The following PCLO variants were observed in gnomAD, a reference collection of about 807,000 sequenced individuals.
PCLO encodes the protein piccolo presynaptic cytomatrix protein.
Under a neutral mutation model 427.5 loss-of-function variants are expected in PCLO, and 82 were observed. The observed-to-expected ratio is 0.19, with a 90% CI of 0.16 to 0.23. The LOEUF (loss-of-function observed/expected upper bound fraction) is 0.23, where lower values mean the gene tolerates loss of function less well. Among genes scored for constraint, PCLO ranks in the 10% least tolerant of loss-of-function variants. The pLI is 1.00. For missense variants in PCLO, 6,239 were observed against 6,115.9 expected, an observed-to-expected ratio of 1.02 and a Z score of -0.67; for synonymous variants, 2,357 against 2,155.4, an observed-to-expected ratio of 1.09 and a Z score of -2.59.
At chr7:83,115,541 G>A (rs144035713) in intron 3 of PCLO, among the ~76,000 whole-genome samples, 266 of 151,996 alleles carry the variant, frequency 1.8e-3, no homozygotes, top group African/African-American at 5.4e-3. Context: ...TGCTTTAAAC[G>A]AACATCTCTT....
Position 82,954,723 on chromosome 7 carries a change from G to A in PCLO, c.6230C>T (p.Thr2077Ile), listed in dbSNP as rs750572926. 7 of 1,613,870 alleles carry A rather than the reference G, an allele frequency of 4.3e-6. No homozygotes were observed. The highest frequency in any genetic ancestry group is 3.3e-4 in the Middle Eastern group (2 of 6,058). The change falls in exon 5 of 25, where the codon ACA (threonine) becomes ATA (isoleucine). Residue 2077 changes from threonine to isoleucine, a missense_variant. By Grantham distance (89) the Thr-to-Ile change is moderately conservative (BLOSUM62 -1). Coordinates refer to ENST00000333891, the MANE Select transcript of PCLO (RefSeq NM_033026.6). ...GGCCTGGGTTGGGCTAGATCCAGGTGTTAATTGCATCTGTTGCCTCTTCAT... is the reference window on the plus strand; with the variant it reads ...GGCCTGGGTTGGGCTAGATCCAGGTATTAATTGCATCTGTTGCCTCTTCAT... ...ELMKRQQMQLTPGSSPTQAPI... is the reference protein window; with the variant it reads ...ELMKRQQMQLIPGSSPTQAPI...
In PCLO at chr7:82,768,225, C is replaced by G. The variant is rs773198455; in HGVS notation, c.15008-6732G>C. 7.2e-5 allele frequency among the ~76,000 whole-genome samples: 11 copies of G among 152,174 alleles called. No individual in the cohort carries two copies. In the Middle Eastern group the frequency reaches 0.01, roughly 141 times the overall value. On this transcript the variant is annotated intron_variant, in intron 22 of 24. Transcript: ENST00000333891. ...ATCATTTGAGGACAGGAGTTCGAGA[C>G]CAGCCTGGCCAACATGGCAAAAACC...
intron 8 of PCLO, among the ~76,000 whole-genome samples, chr7:82,906,430 C>T (rs1284712405): frequency 6.6e-6 from 1 of 151,918 alleles, no homozygotes; most frequent in African/African-American, 2.4e-5. Context: ...TTTTGTAATT[C>T]TCCAAGCCAA....
At chr7:82,778,801 T>C (rs1001575923) in intron 22 of PCLO, among the ~76,000 whole-genome samples, 8 of 152,090 alleles carry the variant, frequency 5.3e-5, no homozygotes, top group Non-Finnish European at 8.8e-5. Context: ...GATTTTTTCC[T>C]GGCCATCTGC....
At chr7:82,823,708 CTT>C (rs1489337920) in intron 19 of PCLO, among the ~76,000 whole-genome samples, 2 of 152,068 alleles carry the variant, frequency 1.3e-5, no homozygotes, top group African/African-American at 2.4e-5. Flanking sequence ...TTAGGAAAGA[CTT>C]AAGTAAATTT....
chr7:83,098,970 G>A (rs895678687), intron 3 of PCLO, among the ~76,000 whole-genome samples: 8 of 151,976 alleles, frequency 5.3e-5, no homozygotes, highest in African/African-American at 1.9e-4. Context: ...AACAGCAAGA[G>A]GAGTGTGAAC....
chr7:82,994,617 G>GTA (rs71522636), intron 3 of PCLO, among the ~76,000 whole-genome samples: 79 of 149,974 alleles, frequency 5.3e-4, no homozygotes, highest in South Asian at 1.0e-3. Context: ...TTCATAGTAG[G>GTA]TATATATATA....
chr7:83,005,455 T>C (rs933196650), intron 3 of PCLO, among the ~76,000 whole-genome samples: 5 of 151,470 alleles, frequency 3.3e-5, no homozygotes, highest in Admixed American at 6.6e-5. Flanking sequence ...GGGTAAAACG[T>C]TTTAGTTATG....
intron 6 of PCLO, among the ~76,000 whole-genome samples, chr7:82,919,599 G>A (rs1042656916): frequency 3.3e-5 from 5 of 151,836 alleles, no homozygotes; most frequent in Non-Finnish European, 7.4e-5. Context: ...AAGAAGATTG[G>A]ATGCCCACTG....
intron 2 of PCLO, among the ~76,000 whole-genome samples, chr7:83,145,585 T>C (rs1791974000): frequency 6.6e-6 from 1 of 152,146 alleles, no homozygotes; most frequent in South Asian, 2.1e-4. Flanking sequence ...CAAAAGTCAT[T>C]TAAATTCTTA....
intron 3 of PCLO, among the ~76,000 whole-genome samples, chr7:82,973,307 T>C (rs540495357): frequency 6.6e-6 from 1 of 152,318 alleles, no homozygotes; most frequent in East Asian, 1.9e-4. Flanking sequence ...GCTTCATTCA[T>C]ATTTTGTTTC....
At chr7:82,899,613 A>C in intron 9 of PCLO, among the ~76,000 whole-genome samples, 1 of 151,500 alleles carries the variant, frequency 6.6e-6, no homozygotes, top group East Asian at 1.9e-4. Context: ...AGGGGCATTC[A>C]GAGAAAAGAT....
intron 3 of PCLO, among the ~76,000 whole-genome samples, chr7:83,118,039 G>A (rs10269508): frequency 0.088 from 13,361 of 152,102 alleles, 1,973 homozygotes; most frequent in African/African-American, 0.31. Context: ...CATGATAAAG[G>A]TGGCACTACA....
chr7:82,993,729 T>G lies in PCLO; in HGVS notation c.3301-27242A>C, dbSNP rs1396939369. On this transcript the variant is annotated intron_variant, in intron 3 of 24. Transcript: ENST00000333891. ...TCATGTGACTCACTGTTTTGCAATATTCGCTTTATTGTGTTGGTGTGGAAC... is the reference window on the plus strand; with the variant it reads ...TCATGTGACTCACTGTTTTGCAATAGTCGCTTTATTGTGTTGGTGTGGAAC... Among the ~76,000 whole-genome samples the G allele has an allele frequency of 2.6e-5, 4 of 152,084 alleles. No homozygotes were observed. The East Asian group carries it at 7.7e-4, about 29-fold the overall frequency.
chr7:83,142,521 T>C (rs1451124323), intron 2 of PCLO, among the ~76,000 whole-genome samples: 2 of 152,216 alleles, frequency 1.3e-5, no homozygotes, highest in Non-Finnish European at 2.9e-5. Context: ...TTGTCATGTA[T>C]TATTCCATCA....
In PCLO at chr7:82,871,528, A is replaced by T. The variant is rs185312533; in HGVS notation, c.13654+7809T>A. ...ACAGTTAGATAGGAATAACTTCTAG[A>T]GTTTGATAGCACAAAGGGTGACTAT... is the stretch of plus-strand genomic sequence containing the variant. On this transcript the variant is annotated intron_variant, in intron 10 of 24. Transcript: ENST00000333891. Among the ~76,000 whole-genome samples, 25 of 152,018 alleles carry T rather than the reference A, an allele frequency of 1.6e-4. No homozygotes were observed. The East Asian group carries it at 4.8e-3, about 29-fold the overall frequency.
Position 82,965,802 on chromosome 7 carries a change from G to A in PCLO, c.3986C>T (p.Pro1329Leu). 1.9e-6 allele frequency: 3 copies of A among 1,611,866 alleles called. No homozygotes were observed. Among genetic ancestry groups the A allele is most frequent in the African/African-American group, 1.3e-5 (1 of 74,824 alleles). Residue 1329 changes from proline to leucine, a missense_variant, in exon 4 of 25, where the codon CCT becomes CTT. By Grantham distance (98) the Pro-to-Leu change is moderately conservative (BLOSUM62 -3). Around this residue, in one of 5 missense-constraint regions of PCLO, gnomAD observed 4,677 missense variants for 4,468.4 expected, o/e 1.05. Transcript: ENST00000333891. Reference protein sequence around the residue: ...EQPQPPCTAKPDQVEPGKEKT... With the variant: ...EQPQPPCTAKLDQVEPGKEKT... ...TTCTTTCCCAGGTTCCACCTGATCA[G>A]GTTTTGCTGTGCATGGTGGCTGTGG...
At chr7:82,761,108 A>T (rs1394388499) in intron 23 of PCLO, among the ~76,000 whole-genome samples, 1 of 151,390 alleles carries the variant, frequency 6.6e-6, no homozygotes, top group African/African-American at 2.4e-5. Flanking sequence ...GACCACACCT[A>T]ACTGATATAT....
chr7:82,829,816 T>C (rs1452156537), intron 16 of PCLO, among the ~76,000 whole-genome samples: 1 of 152,096 alleles, frequency 6.6e-6, no homozygotes, highest in Non-Finnish European at 1.5e-5. Context: ...GCAACATTAT[T>C]TCAATAGTAA....
Sources: allele counts gnomAD v4.1 joint callset (sites outside exome capture counted in the v4.1 genomes callset), GRCh38; gene constraint gnomAD v4.1.1; regional missense constraint gnomAD v4.1.1; transcripts MANE v1.5; gene names NCBI Gene and HGNC (gene_info 2026-07-23, HGNC 2026-07-21).